TUBGCP3: variants seen among roughly 807,000 people sequenced by gnomAD.
TUBGCP3 encodes the protein tubulin gamma complex component 3, also known as gamma-tubulin complex component 3.
In TUBGCP3, 50 loss-of-function variants were observed where a neutral mutation model predicts 123.1. The observed-to-expected ratio is 0.41, with a 90% CI of 0.32 to 0.51. The LOEUF is 0.51. Ranked by LOEUF, TUBGCP3 falls within the 20% of genes least tolerant of loss-of-function variation. The probability of loss-of-function intolerance (pLI) is 0.36; values close to 1 mark genes in which losing one functional copy is unlikely to be tolerated. For synonymous variants in TUBGCP3, 405 were observed against 413.9 expected (o/e 0.98, Z 0.26); for missense variants, 882 against 1,127.0 (o/e 0.78, Z 3.11).
chr13:112,539,845 C>G (rs1156452794), intron 11 of TUBGCP3, among the ~76,000 whole-genome samples: 1 of 135,764 alleles, frequency 7.4e-6, no homozygotes, highest in Non-Finnish European at 1.5e-5. Context: ...AATGTAGTAG[C>G]CTATGAGCAT....
At chr13:112,556,022 A>T (rs1216405373) in intron 6 of TUBGCP3, 30 bp downstream of exon 6, 1 of 1,581,394 alleles carries the variant, frequency 6.3e-7, no homozygotes. Context: ...TGTTCACAGA[A>T]AAGCTGTATT....
chr13:112,514,164 A>T (rs970559966), intron 17 of TUBGCP3, among the ~76,000 whole-genome samples: 4 of 152,176 alleles, frequency 2.6e-5, no homozygotes, highest in Non-Finnish European at 5.9e-5. Flanking sequence ...CTATTTTGCC[A>T]TTAGTTATTG....
chr13:112,509,870 C>A (rs924956518), intron 17 of TUBGCP3, among the ~76,000 whole-genome samples: 7 of 152,210 alleles, frequency 4.6e-5, no homozygotes, highest in Admixed American at 3.9e-4. Context: ...TCACAAGGCA[C>A]AATTAGTCCT....
At chr13:112,598,082 C>T in the TUBGCP3 span, among the ~76,000 whole-genome samples, 1 of 152,006 alleles carries the variant, frequency 6.6e-6, no homozygotes, top group South Asian at 2.1e-4. Context: ...GTCAAAGGCG[C>T]ACCAATTAAC....
Position 112,533,514 on chromosome 13 carries a change from TTCACTAACC to T in TUBGCP3, c.1336-6039_1336-6031del, listed in dbSNP as rs145593831. Among the ~76,000 whole-genome samples the T allele has an allele frequency of 6.5e-3, 994 of 152,028 alleles. 8 individuals are homozygous for T. Among genetic ancestry groups the T allele is most frequent in the African/African-American group, 0.022 (912 of 41,440 alleles). ...GAGGAAAAATAATCTCATCTTTATT[TTCACTAACC>T]TCACTAACCTCACTAACCTCTATCT... On this transcript the variant is annotated intron_variant, in intron 11 of 21. Coordinates refer to ENST00000261965, the MANE Select transcript of TUBGCP3 (RefSeq NM_006322.6).
chr13:112,578,331 G>A (rs935129888), intron 1 of TUBGCP3, among the ~76,000 whole-genome samples: 7 of 151,578 alleles, frequency 4.6e-5, no homozygotes, highest in East Asian at 1.9e-4. Context: ...AGGCCGAGGC[G>A]GGCGGATCAC....
Position 112,544,254 on chromosome 13 carries a change from C to T in TUBGCP3, c.1335+1445G>A, listed in dbSNP as rs374322748. On this transcript the variant is annotated intron_variant, in intron 11 of 21. Coordinates refer to ENST00000261965, the MANE Select transcript of TUBGCP3 (RefSeq NM_006322.6). ...AGATCACAAGGTCAGGAGATCGAGACCATCCTGGCTAACACAGTGAAACCC... is the reference window on the plus strand; with the variant it reads ...AGATCACAAGGTCAGGAGATCGAGATCATCCTGGCTAACACAGTGAAACCC... 7.5e-4 allele frequency among the ~76,000 whole-genome samples: 114 copies of T among 152,086 alleles called. 1 individual carries two copies. In the East Asian group the frequency reaches 0.018, roughly 25 times the overall value.
the TUBGCP3 span, among the ~76,000 whole-genome samples, chr13:112,595,782 T>G: frequency 1.3e-5 from 2 of 152,222 alleles, no homozygotes; most frequent in African/African-American, 4.8e-5. Flanking sequence ...AGTTGGTATA[T>G]TTAGACCATT....
At chr13:112,498,724 A>T (rs1387102499) in intron 20 of TUBGCP3, 2 of 1,466,448 alleles carry the variant, frequency 1.4e-6, no homozygotes, top group Non-Finnish European at 1.8e-6. Flanking sequence ...AGAGTGATGC[A>T]GAGCGGAGGC....
At chr13:112,598,605 A>ACCATT in the TUBGCP3 span, among the ~76,000 whole-genome samples, 1 of 152,174 alleles carries the variant, frequency 6.6e-6, no homozygotes, top group Non-Finnish European at 1.5e-5. Flanking sequence ...TTCTAGGGAA[A>ACCATT]CCATTAAGTG....
At chr13:112,517,748 AGACATGGT>A (rs1336582531) in intron 16 of TUBGCP3, among the ~76,000 whole-genome samples, 1 of 152,132 alleles carries the variant, frequency 6.6e-6, no homozygotes, top group South Asian at 2.1e-4. Context: ...AAAATTAGCC[AGACATGGT>A]GGCTTGTGCC....
intron 1 of TUBGCP3, among the ~76,000 whole-genome samples, chr13:112,570,784 C>T (rs1049839219): frequency 2.6e-5 from 4 of 152,324 alleles, no homozygotes; most frequent in South Asian, 2.1e-4. Flanking sequence ...GAACTTCTTT[C>T]GAAACAGAAG....
At chr13:112,586,208 C>T (rs571417848) in intron 1 of TUBGCP3, among the ~76,000 whole-genome samples, 31 of 151,918 alleles carry the variant, frequency 2.0e-4, no homozygotes, top group Admixed American at 7.9e-4. Context: ...CCACTGCACT[C>T]CAGCCTGGGC....
chr13:112,524,007 G>T lies in TUBGCP3; in HGVS notation c.1556-1498C>A, dbSNP rs902213418. Reference sequence around the variant, plus strand: ...TGGCAGCCATGGACAGGACGACGGGGACCACAGGAGTCGTCACAGAGAAGC... The same window carrying T: ...TGGCAGCCATGGACAGGACGACGGGTACCACAGGAGTCGTCACAGAGAAGC... On this transcript the variant is annotated intron_variant, in intron 13 of 21. Transcript: ENST00000261965. This position sits in a 1 kb window ranked among gnomAD's most constrained non-coding sequence, Gnocchi z 4.4. Among the ~76,000 whole-genome samples the T allele has an allele frequency of 2.0e-5, 3 of 152,110 alleles. No homozygotes were observed. Among genetic ancestry groups the T allele is most frequent in the African/African-American group, 7.2e-5 (3 of 41,426 alleles).
intron 1 of TUBGCP3, among the ~76,000 whole-genome samples, chr13:112,575,084 G>A (rs1881705185): frequency 6.6e-6 from 1 of 152,200 alleles, no homozygotes; most frequent in Non-Finnish European, 1.5e-5. Context: ...TCCATCACAA[G>A]GCTGGCAGGC....
intron 1 of TUBGCP3, among the ~76,000 whole-genome samples, chr13:112,576,565 G>A (rs1302791749): frequency 1.3e-5 from 2 of 151,948 alleles, no homozygotes; most frequent in African/African-American, 2.4e-5. Context: ...GCTTCACTGT[G>A]GTAATCATTT....
At chr13:112,583,877 G>A (rs943741854) in intron 1 of TUBGCP3, among the ~76,000 whole-genome samples, 1 of 152,212 alleles carries the variant, frequency 6.6e-6, no homozygotes, top group Non-Finnish European at 1.5e-5. Flanking sequence ...CTTGACTCCA[G>A]ATGCAAGTCA....
At chr13:112,499,606 T>C (rs940052284) in intron 19 of TUBGCP3, among the ~76,000 whole-genome samples, 2 of 151,900 alleles carry the variant, frequency 1.3e-5, no homozygotes, top group African/African-American at 2.4e-5. Flanking sequence ...TTTTTAGATA[T>C]AGCAAAAGCA....
chr13:112,517,422 C>A (rs146334006), intron 16 of TUBGCP3, among the ~76,000 whole-genome samples: 3 of 152,114 alleles, frequency 2.0e-5, no homozygotes, highest in East Asian at 1.9e-4. Flanking sequence ...TGTAATACTA[C>A]GAAATAATTA....
Sources: allele counts gnomAD v4.1 joint callset (sites outside exome capture counted in the v4.1 genomes callset), GRCh38; gene constraint gnomAD v4.1.1; non-coding constraint Gnocchi (gnomAD v3.1); transcripts MANE v1.5; gene names NCBI Gene and HGNC (gene_info 2026-07-23, HGNC 2026-07-21).